Variants in AASS observed in about 807,000 individuals in gnomAD.
The protein encoded by AASS is alpha-aminoadipic semialdehyde synthase, mitochondrial.
Under a neutral mutation model 105.4 loss-of-function variants are expected in AASS, and 86 were observed. The observed-to-expected ratio is 0.82, with a 90% CI of 0.69 to 0.98. The LOEUF is 0.98. Ranked by LOEUF, AASS falls within the 50% of genes least tolerant of loss-of-function variation. The pLI, the probability that AASS is intolerant of heterozygous loss-of-function variation, is 0.00. For missense variants in AASS, 1,048 were observed against 1,143.2 expected, an observed-to-expected ratio of 0.92 and a Z score of 1.20; for synonymous variants, 381 against 394.8, an observed-to-expected ratio of 0.96 and a Z score of 0.41.
intron 11 of AASS, among the ~76,000 whole-genome samples, chr7:122,110,651 A>C (rs1794890590): frequency 1.3e-5 from 2 of 151,860 alleles, no homozygotes; most frequent in Non-Finnish European, 2.9e-5. Flanking sequence ...TAATATCCAA[A>C]CCTGACAAAG....
intron 18 of AASS, among the ~76,000 whole-genome samples, chr7:122,090,316 C>T (rs1459943071): frequency 1.3e-5 from 2 of 152,086 alleles, no homozygotes; most frequent in Non-Finnish European, 2.9e-5. Context: ...TTCTCAAATT[C>T]AGCTGCATAT....
At chr7:122,100,297 A>G (rs1226840917) in intron 13 of AASS, among the ~76,000 whole-genome samples, 3 of 151,888 alleles carry the variant, frequency 2.0e-5, no homozygotes, top group Admixed American at 2.0e-4. Flanking sequence ...CAGTAGTGTA[A>G]AAGACCATCG....
rs745643453 is a variant in AASS at position 122,092,952 on chromosome 7, C to T, written c.1767-1G>A. 6.2e-7 allele frequency: 1 copy of T among 1,613,362 alleles called. No individual in the cohort carries two copies. On this transcript the variant is annotated splice_acceptor_variant, in intron 16 of 23. Transcript: ENST00000417368. LOFTEE classifies it high-confidence loss of function. ...GATTGTGATGCCAGCATCTTCCACA[C>T]TGCAGCAGGTGGAAAGAGGAAAAAG...
intron 1 of AASS, among the ~76,000 whole-genome samples, chr7:122,141,233 G>T (rs140809937): frequency 2.0e-5 from 3 of 152,280 alleles, no homozygotes; most frequent in East Asian, 3.9e-4. Context: ...GGTAGACTTT[G>T]GGGGAGGAGG....
intron 4 of AASS, among the ~76,000 whole-genome samples, chr7:122,121,074 TA>T (rs1795419806): frequency 6.6e-6 from 1 of 152,152 alleles, no homozygotes; most frequent in Admixed American, 6.5e-5. Flanking sequence ...TTTGTTTTTT[TA>T]ATGCCCTTTT....
At position 122,113,185 on chromosome 7, in the gene AASS, G is replaced by A. The variant is rs34141526; in HGVS notation, c.1211C>T (p.Pro404Leu). The change falls in exon 11 of 24, where the codon CCG (proline) becomes CTG (leucine). Residue 404 changes from proline to leucine, a missense_variant. Coordinates refer to ENST00000417368, the MANE Select transcript of AASS (RefSeq NM_005763.4). ...GILMCSIDNL[P>L]AQLPIEATEC... ...TGTAGCTTCAATTGGGAGCTGTGCC[G>A]GCAAATTGTCAATGGAACACATCAG... is the stretch of plus-strand genomic sequence containing the variant. 2.6e-5 allele frequency: 42 copies of A among 1,613,824 alleles called. No individual in the cohort carries two copies. The highest frequency in any genetic ancestry group is 3.3e-5 in the South Asian group (3 of 91,080).
intron 11 of AASS, among the ~76,000 whole-genome samples, chr7:122,110,483 C>T (rs1413196924): frequency 1.3e-5 from 2 of 151,648 alleles, no homozygotes; most frequent in East Asian, 3.9e-4. Context: ...AAAACTTACC[C>T]TTAAAACTAA....
At chr7:122,117,168 C>T (rs762300780) in intron 6 of AASS, among the ~76,000 whole-genome samples, 5 of 152,052 alleles carry the variant, frequency 3.3e-5, no homozygotes, top group Non-Finnish European at 7.4e-5. Context: ...TTAGAAAGGG[C>T]TTTAATTTTT....
chr7:122,091,032 T>C (rs1793875697), intron 18 of AASS, among the ~76,000 whole-genome samples: 2 of 152,172 alleles, frequency 1.3e-5, no homozygotes, highest in South Asian at 2.1e-4. Flanking sequence ...CCTATTAAAT[T>C]ATAATTACTT....
intron 18 of AASS, among the ~76,000 whole-genome samples, chr7:122,089,002 A>T (rs1793769804): frequency 6.6e-6 from 1 of 152,098 alleles, no homozygotes; most frequent in South Asian, 2.1e-4. Flanking sequence ...ACAATGAGAC[A>T]CATTCAAATT....
At chr7:122,090,793 T>C (rs1056843857) in intron 18 of AASS, among the ~76,000 whole-genome samples, 16 of 152,158 alleles carry the variant, frequency 1.1e-4, no homozygotes, top group African/African-American at 3.6e-4. Context: ...TAAGTGTAGC[T>C]GTTATCTTAA....
At chr7:122,094,795 G>A (rs909261393) in intron 15 of AASS, among the ~76,000 whole-genome samples, 3 of 151,636 alleles carry the variant, frequency 2.0e-5, no homozygotes, top group Non-Finnish European at 2.9e-5. Flanking sequence ...CCTTTACACC[G>A]ATCAACACCA....
In AASS at chr7:122,074,414, T is replaced by A. The variant is rs906879880; in HGVS notation, c.*2075A>T. The stretch of plus-strand genomic sequence containing the variant: ...AACTAATACATGATTTTAAAAAAAA[T>A]TATCTCATTCTGTGGGTTGTATTTT... On this transcript the variant is annotated 3_prime_UTR_variant, in exon 24 of 24. Transcript: ENST00000417368. 1.3e-5 allele frequency among the ~76,000 whole-genome samples: 2 copies of A among 152,192 alleles called. No homozygotes were observed. Among genetic ancestry groups the A allele is most frequent in the Non-Finnish European group, 2.9e-5 (2 of 68,016 alleles).
intron 17 of AASS, 30 bp downstream of exon 17, chr7:122,092,813 A>G (rs377504696): frequency 5.3e-5 from 81 of 1,520,018 alleles, no homozygotes; most frequent in Middle Eastern, 1.7e-4. Flanking sequence ...AGACATTTTA[A>G]TGTTGCCTTT....
chr7:122,079,169 C>CAGGG (rs1793185626), intron 21 of AASS: 2 of 1,442,932 alleles, frequency 1.4e-6, no homozygotes, highest in African/African-American at 2.9e-5. Context: ...CTCCCTGGAG[C>CAGGG]AGGGCAGAGA....
intron 1 of AASS, among the ~76,000 whole-genome samples, chr7:122,141,458 G>A (rs915485385): frequency 6.6e-6 from 1 of 152,112 alleles, no homozygotes; most frequent in Non-Finnish European, 1.5e-5. Flanking sequence ...AACTGCAAAT[G>A]TGTATGAGTT....
At chr7:122,111,282 A>G (rs1377581828) in intron 11 of AASS, among the ~76,000 whole-genome samples, 1 of 152,234 alleles carries the variant, frequency 6.6e-6, no homozygotes, top group Non-Finnish European at 1.5e-5. Flanking sequence ...AATTTTTAAA[A>G]AAGAACCCAA....
In AASS at chr7:122,133,523, A is replaced by G. The variant is rs554787302; in HGVS notation, c.204T>C (p.His68=). The change falls in exon 2 of 24, where the codon CAT becomes CAC. Residue 68 remains histidine, a synonymous_variant. Coordinates refer to ENST00000417368, the MANE Select transcript of AASS (RefSeq NM_005763.4). ...LIQPSNRRAI[H]DKDYVKAGGI... is the part of the protein sequence containing the mutation. Reference sequence around the variant, plus strand: ...AAATATTGGAAATACTCACCTTATCATGAATGGCCCGCCGATTCGAAGGCT... The same window carrying G: ...AAATATTGGAAATACTCACCTTATCGTGAATGGCCCGCCGATTCGAAGGCT... 13 of 1,614,180 alleles carry G rather than the reference A, an allele frequency of 8.1e-6. No individual in the cohort carries two copies. Among genetic ancestry groups the G allele is most frequent in the Admixed American group, 1.7e-5 (1 of 60,022 alleles).
intron 18 of AASS, among the ~76,000 whole-genome samples, chr7:122,088,309 A>T (rs548192476): frequency 6.6e-6 from 1 of 152,104 alleles, no homozygotes; most frequent in African/African-American, 2.4e-5. Context: ...AGTAAGCTTG[A>T]TCACTAAACT....
Sources: gnomAD v4.1 joint callset for allele counts (sites outside exome capture counted in the v4.1 genomes callset) on GRCh38, gnomAD v4.1.1 for gene constraint, MANE v1.5 for transcripts, NCBI Gene and HGNC (gene_info 2026-07-23, HGNC 2026-07-21) for gene names.